Variants in ARL15 observed in about 807,000 individuals in gnomAD.
ARL15 encodes ADP-ribosylation factor-like protein 15.
ARL15 carries 19 observed loss-of-function variants against 25.2 expected under a neutral mutation model. The ratio of observed to expected loss-of-function variants is 0.75; its 90% CI spans 0.53 to 1.10. ARL15 has a LOEUF of 1.10. Ranked by LOEUF, ARL15 falls within the 50% of genes least tolerant of loss-of-function variation. The pLI is 0.00. For synonymous variants in ARL15, 94 were observed against 86.8 expected, an observed-to-expected ratio of 1.08 and a Z score of -0.46; for missense variants, 220 against 246.0, an observed-to-expected ratio of 0.89 and a Z score of 0.71.
chr5:54,200,593 T>C (rs1755695482), intron 1 of ARL15, among the ~76,000 whole-genome samples: 1 of 151,982 alleles, frequency 6.6e-6, no homozygotes, highest in African/African-American at 2.4e-5. Flanking sequence ...AAAAAAACCA[T>C]CTCAAAAATT....
chr5:54,243,370 A>G (rs887785706), intron 1 of ARL15, among the ~76,000 whole-genome samples: 22 of 152,218 alleles, frequency 1.4e-4, no homozygotes, highest in Non-Finnish European at 1.9e-4. Flanking sequence ...CAAGCTGACA[A>G]GCTGAAATTA....
At chr5:54,293,909 A>C (rs910068704) in intron 1 of ARL15, among the ~76,000 whole-genome samples, 1 of 151,964 alleles carries the variant, frequency 6.6e-6, no homozygotes, top group African/African-American at 2.4e-5. Flanking sequence ...GCTCACTGCA[A>C]CCTCCGCCTC....
intron 1 of ARL15, among the ~76,000 whole-genome samples, chr5:54,218,168 C>T (rs150234014): frequency 6.6e-6 from 1 of 152,214 alleles, no homozygotes; most frequent in East Asian, 1.9e-4. Context: ...TTCAAGTAAC[C>T]AGAAAGAAGT....
chr5:54,190,460 T>A (rs1375462261), intron 1 of ARL15, among the ~76,000 whole-genome samples: 3 of 151,980 alleles, frequency 2.0e-5, no homozygotes, highest in Admixed American at 2.0e-4. Flanking sequence ...TTCCTGTTGC[T>A]CCAACAAAAT....
intron 4 of ARL15, among the ~76,000 whole-genome samples, chr5:54,055,602 C>T (rs1750843715): frequency 6.6e-6 from 1 of 152,054 alleles, no homozygotes; most frequent in Non-Finnish European, 1.5e-5. Flanking sequence ...CTCAGGTGAT[C>T]CACCCGTCTC....
chr5:54,104,343 T>C (rs1752529462), intron 4 of ARL15, among the ~76,000 whole-genome samples: 1 of 152,220 alleles, frequency 6.6e-6, no homozygotes, highest in Non-Finnish European at 1.5e-5. Context: ...ATGTCACTAA[T>C]GCCTTACTGA....
At chr5:54,166,309 T>G (rs936594111) in intron 2 of ARL15, among the ~76,000 whole-genome samples, 1 of 152,016 alleles carries the variant, frequency 6.6e-6, no homozygotes, top group African/African-American at 2.4e-5. Flanking sequence ...ATCCTCCTAC[T>G]TCTGCCTCAC....
At chr5:54,223,563 T>C (rs908032636) in intron 1 of ARL15, among the ~76,000 whole-genome samples, 3 of 152,186 alleles carry the variant, frequency 2.0e-5, no homozygotes, top group African/African-American at 7.2e-5. Flanking sequence ...TTCTATTAGA[T>C]AGATTATTGG....
At chr5:54,103,580 C>T (rs1440798929) in intron 4 of ARL15, among the ~76,000 whole-genome samples, 1 of 152,122 alleles carries the variant, frequency 6.6e-6, no homozygotes, top group Non-Finnish European at 1.5e-5. Context: ...ACAAATTACT[C>T]AGGTTTGGAT....
rs34152775 is a variant in ARL15, at chr5:54,029,333, TACCACCACCACCACC to T, written c.462+83854_462+83868del. 3.5e-3 allele frequency among the ~76,000 whole-genome samples: 329 copies of T among 94,686 alleles called. 1 individual carries two copies. In the South Asian group the frequency reaches 0.038, roughly 11 times the overall value. The allele number at this position is 94,686 out of a possible 152,430, so 62.1% of individuals were successfully genotyped here. A position where few individuals can be genotyped will look rare whatever the true frequency, so the allele number is the denominator to read the frequency against. On this transcript the variant is annotated intron_variant, in intron 4 of 4. Transcript: ENST00000504924. ...CCACCACCACCACCACCACCACCAC[TACCACCACCACCACC>T]ACCACCACCACCACCACCACCACCA...
intron 4 of ARL15, among the ~76,000 whole-genome samples, chr5:53,940,474 G>A (rs1157545676): frequency 6.6e-6 from 1 of 152,120 alleles, no homozygotes; most frequent in East Asian, 1.9e-4. Flanking sequence ...ATATAGCTAA[G>A]AAAAAGCTAA....
chr5:54,181,360 T>C (rs1015742212), intron 1 of ARL15, among the ~76,000 whole-genome samples: 3 of 152,210 alleles, frequency 2.0e-5, no homozygotes, highest in East Asian at 1.9e-4. Flanking sequence ...AACCTTTATA[T>C]GCCATATTCA....
chr5:53,959,448 T>C (rs1747288313), intron 4 of ARL15, among the ~76,000 whole-genome samples: 1 of 152,124 alleles, frequency 6.6e-6, no homozygotes, highest in Non-Finnish European at 1.5e-5. Flanking sequence ...GGTCATATTT[T>C]GGTGGGGGAG....
intron 1 of ARL15, among the ~76,000 whole-genome samples, chr5:54,304,649 T>C (rs1758707817): frequency 1.3e-5 from 2 of 152,216 alleles, no homozygotes; most frequent in Non-Finnish European, 2.9e-5. Context: ...ATGAACTCCA[T>C]ATATGGTAGA....
At chr5:54,017,540 G>A (rs778655275) in intron 4 of ARL15, among the ~76,000 whole-genome samples, 1 of 149,362 alleles carries the variant, frequency 6.7e-6, no homozygotes, top group African/African-American at 2.5e-5. Flanking sequence ...CACCCAGAAG[G>A]AGCATGTTCT....
intron 4 of ARL15, among the ~76,000 whole-genome samples, chr5:54,095,182 C>T (rs1265568904): frequency 6.6e-6 from 1 of 151,998 alleles, no homozygotes; most frequent in Non-Finnish European, 1.5e-5. Flanking sequence ...TCATATGTTA[C>T]CTGGGTCACA....
At chr5:54,198,828 C>A (rs949655712) in intron 1 of ARL15, among the ~76,000 whole-genome samples, 1 of 151,512 alleles carries the variant, frequency 6.6e-6, no homozygotes, top group Non-Finnish European at 1.5e-5. Flanking sequence ...AAAAAGAGCC[C>A]GCATCGCCAA....
In ARL15 at chr5:54,247,582, A is replaced by G. The variant is rs1246600460; in HGVS notation, c.48+62850T>C. ...AAGAATGGGAGGAAAGGAAGAGAAAAAAAAAAAAAAAACCCGAACACGTTT... is the reference window on the plus strand; with the variant it reads ...AAGAATGGGAGGAAAGGAAGAGAAAGAAAAAAAAAAAACCCGAACACGTTT... On this transcript the variant is annotated intron_variant, in intron 1 of 4. Transcript: ENST00000504924. Among the ~76,000 whole-genome samples, 10 of 152,196 alleles carry G rather than the reference A, an allele frequency of 6.6e-5. No homozygotes were observed. In the East Asian group the frequency reaches 1.9e-3, roughly 29 times the overall value.
chr5:54,193,785 C>G (rs899322247), intron 1 of ARL15, among the ~76,000 whole-genome samples: 1 of 150,606 alleles, frequency 6.6e-6, no homozygotes, highest in Non-Finnish European at 1.5e-5. Flanking sequence ...CCTAGCACAT[C>G]ATAGGTGCTC....
Sources: allele counts gnomAD v4.1 joint callset (sites outside exome capture counted in the v4.1 genomes callset), GRCh38; gene constraint gnomAD v4.1.1; transcripts MANE v1.5; gene names NCBI Gene and HGNC (gene_info 2026-07-23, HGNC 2026-07-21).